Variants in NAALADL2 observed in about 807,000 individuals in gnomAD.
NAALADL2 encodes the protein inactive N-acetylated-alpha-linked acidic dipeptidase-like protein 2.
In NAALADL2, 76 loss-of-function variants were observed where a neutral mutation model predicts 87.2. The observed-to-expected ratio is 0.87, with a 90% confidence interval of 0.72 to 1.05. NAALADL2 has a LOEUF of 1.05. Ranked by LOEUF, NAALADL2 falls within the 50% of genes least tolerant of loss-of-function variation. NAALADL2 has a pLI of 0.00. For missense variants in NAALADL2, 1,089 were observed against 945.8 expected, an observed-to-expected ratio of 1.15 and a Z score of -1.99; for synonymous variants, 354 against 331.0, an observed-to-expected ratio of 1.07 and a Z score of -0.75.
intron 1 of NAALADL2, among the ~76,000 whole-genome samples, chr3:175,016,347 A>T (rs1750810546): frequency 1.3e-5 from 2 of 150,764 alleles, no homozygotes; most frequent in South Asian, 4.2e-4. Flanking sequence ...GACTCATTAC[A>T]ACATTACAAC....
chr3:174,834,586 G>C (rs1018508776), intron 3 of NAALADL2, among the ~76,000 whole-genome samples: 2 of 151,814 alleles, frequency 1.3e-5, no homozygotes, highest in Non-Finnish European at 2.9e-5. Flanking sequence ...GAACTAATAA[G>C]CAAATTTAGC....
At chr3:175,725,904 A>G (rs1320852635) in intron 11 of NAALADL2, among the ~76,000 whole-genome samples, 1 of 152,204 alleles carries the variant, frequency 6.6e-6, no homozygotes, top group African/African-American at 2.4e-5. Context: ...TATTGATATC[A>G]TGTTAAAGAT....
intron 1 of NAALADL2, among the ~76,000 whole-genome samples, chr3:174,899,194 C>T (rs1447901874): frequency 6.6e-6 from 1 of 151,934 alleles, no homozygotes; most frequent in Non-Finnish European, 1.5e-5. Flanking sequence ...AAATTTTATG[C>T]TATTATTATC....
chr3:175,265,594 CTG>C (rs1560258512), intron 4 of NAALADL2, among the ~76,000 whole-genome samples: 2 of 151,502 alleles, frequency 1.3e-5, no homozygotes, highest in Non-Finnish European at 3.0e-5. Context: ...ATTTTACTAT[CTG>C]TTACTATAAA....
chr3:175,508,587 C>T (rs976894733), intron 9 of NAALADL2, among the ~76,000 whole-genome samples: 53 of 152,102 alleles, frequency 3.5e-4, no homozygotes, highest in Admixed American at 9.8e-4. Flanking sequence ...TAGTTCTCAA[C>T]GTAATTGTTT....
At chr3:174,930,448 A>G (rs1736692972) in intron 1 of NAALADL2, among the ~76,000 whole-genome samples, 1 of 151,870 alleles carries the variant, frequency 6.6e-6, no homozygotes, top group Non-Finnish European at 1.5e-5. Flanking sequence ...TTACTTGAAT[A>G]TTAATCAAAA....
rs1423567220 is a variant in NAALADL2 at position 175,806,911 on chromosome 3, C to T, written c.*3708C>T. Reference sequence around the variant, plus strand: ...AAAGTGAGATAATTGAAAATGTTAACATATTTCTCCAAAACTGATCAGACT... The same window carrying T: ...AAAGTGAGATAATTGAAAATGTTAATATATTTCTCCAAAACTGATCAGACT... On this transcript the variant is annotated 3_prime_UTR_variant, in exon 14 of 14. Coordinates refer to ENST00000454872, the MANE Select transcript of NAALADL2 (RefSeq NM_207015.3). The T allele has an allele frequency of 1.3e-5, 2 of 151,374 alleles. No individual in the cohort carries two copies. Among genetic ancestry groups the T allele is most frequent in the African/African-American group, 4.8e-5 (2 of 41,274 alleles). 9.4% of individuals were successfully genotyped at this position (151,374 alleles called of 1,614,324 possible).
chr3:175,432,101 T>A (rs936288655), intron 5 of NAALADL2, among the ~76,000 whole-genome samples: 1 of 152,050 alleles, frequency 6.6e-6, no homozygotes, highest in Non-Finnish European at 1.5e-5. Context: ...TAGACTCTGA[T>A]CTCACCTGCA....
At chr3:175,537,294 A>G (rs1734951472) in intron 9 of NAALADL2, among the ~76,000 whole-genome samples, 1 of 152,224 alleles carries the variant, frequency 6.6e-6, no homozygotes, top group Middle Eastern at 3.2e-3. Flanking sequence ...TTAGCCATAC[A>G]GAAGAGATAA....
chr3:174,985,404 C>G (rs575509783), intron 1 of NAALADL2, among the ~76,000 whole-genome samples: 2 of 152,254 alleles, frequency 1.3e-5, no homozygotes, highest in East Asian at 3.9e-4. Context: ...TTATTCTTTT[C>G]TCTATCAATG....
At chr3:175,013,762 C>A (rs1279089682) in intron 1 of NAALADL2, among the ~76,000 whole-genome samples, 3 of 152,110 alleles carry the variant, frequency 2.0e-5, no homozygotes, top group African/African-American at 7.2e-5. Flanking sequence ...ATATACAACT[C>A]TCCTGGTCTC....
rs147492790 is a variant in NAALADL2 at position 175,385,793 on chromosome 3, A to G, written c.1091-61436A>G. Among the ~76,000 whole-genome samples, 301 of 152,244 alleles carry G rather than the reference A, an allele frequency of 2.0e-3. 2 individuals are homozygous for G. The highest frequency in any genetic ancestry group is 7.0e-3 in the African/African-American group (290 of 41,558). ...AACAAATAAAGATTTAAAAAATCCA[A>G]AAACAGATGAACAGAAGAAAAGTTA... On this transcript the variant is annotated intron_variant, in intron 5 of 13. Coordinates refer to ENST00000454872, the MANE Select transcript of NAALADL2 (RefSeq NM_207015.3).
chr3:175,238,034 C>T (rs894395087), intron 3 of NAALADL2, among the ~76,000 whole-genome samples: 1 of 151,968 alleles, frequency 6.6e-6, no homozygotes. Context: ...TTATTTTTTT[C>T]ATTTTGCTAA....
At chr3:174,801,612 G>A (rs559857899) in intron 3 of NAALADL2, among the ~76,000 whole-genome samples, 1 of 152,236 alleles carries the variant, frequency 6.6e-6, no homozygotes, top group Non-Finnish European at 1.5e-5. Context: ...TTATTCATAG[G>A]TGATATTAGC....
chr3:174,718,725 G>A (rs1033755122), intron 2 of NAALADL2, among the ~76,000 whole-genome samples: 3 of 152,142 alleles, frequency 2.0e-5, no homozygotes, highest in African/African-American at 7.2e-5. Context: ...ATCCAGGGCT[G>A]TATCTTCCCA....
At chr3:174,848,509 A>G (rs1478006682) in intron 3 of NAALADL2, among the ~76,000 whole-genome samples, 2 of 152,164 alleles carry the variant, frequency 1.3e-5, no homozygotes, top group African/African-American at 4.8e-5. Flanking sequence ...GTGCCATATA[A>G]GTTTCTTAAA....
At chr3:175,216,889 G>A (rs1213641864) in intron 2 of NAALADL2, among the ~76,000 whole-genome samples, 14 of 151,924 alleles carry the variant, frequency 9.2e-5, no homozygotes, top group African/African-American at 2.4e-4. Context: ...GGCTGGTCTC[G>A]AACTCCTGAC....
chr3:175,316,001 C>G (rs924754091), intron 4 of NAALADL2, among the ~76,000 whole-genome samples: 2 of 152,116 alleles, frequency 1.3e-5, no homozygotes, highest in Non-Finnish European at 2.9e-5. Flanking sequence ...TTAACAAAAT[C>G]ATTGAGTTAG....
chr3:175,650,353 C>T (rs185178138), intron 11 of NAALADL2, among the ~76,000 whole-genome samples: 2 of 152,188 alleles, frequency 1.3e-5, no homozygotes, highest in East Asian at 1.9e-4. Context: ...GCAAATAGAA[C>T]TCAAAGGAAT....
Sources: gnomAD v4.1 joint callset for allele counts (sites outside exome capture counted in the v4.1 genomes callset) on GRCh38, gnomAD v4.1.1 for gene constraint, MANE v1.5 for transcripts, NCBI Gene and HGNC (gene_info 2026-07-23, HGNC 2026-07-21) for gene names.